IGFL2: variants seen among roughly 807,000 people sequenced by gnomAD.
IGFL2 encodes the protein insulin growth factor-like family member 2.
Under a neutral mutation model 13.9 loss-of-function variants are expected in IGFL2, and 7 were observed. The observed-to-expected ratio is 0.51, with a 90% CI of 0.29 to 0.95. The LOEUF (loss-of-function observed/expected upper bound fraction) is 0.95, where lower values mean the gene tolerates loss of function less well. IGFL2 is among the 40% of genes least tolerant of loss of function. The pLI is 0.08. For synonymous variants in IGFL2, 55 were observed against 55.8 expected (o/e 0.99, Z 0.07); for missense variants, 138 against 147.8 (o/e 0.93, Z 0.34).
chr19:46,153,381 A>T (rs916340267), intron 1 of IGFL2, among the ~76,000 whole-genome samples: 1 of 152,052 alleles, frequency 6.6e-6, no homozygotes, highest in African/African-American at 2.4e-5. Context: ...AACTGAGATG[A>T]GGTATCTTAT....
the IGFL2 span, chr19:46,124,396 A>C: frequency 1.2e-5 from 17 of 1,440,860 alleles, no homozygotes; most frequent in East Asian, 2.3e-5. Context: ...CAAACAAACA[A>C]ACAGAGGTTA....
chr19:46,135,616 A>G, the IGFL2 span, among the ~76,000 whole-genome samples: 13 of 152,336 alleles, frequency 8.5e-5, no homozygotes, highest in Non-Finnish European at 1.3e-4. Flanking sequence ...TCACTGATGC[A>G]AGAAACATGC....
chr19:46,124,378 A>AAAAC, the IGFL2 span: 666 of 1,525,146 alleles, frequency 4.4e-4, 25 homozygotes, highest in African/African-American at 4.1e-3. Context: ...AAGTATGGAA[A>AAAAC]AAACAAACAA....
the IGFL2 span, among the ~76,000 whole-genome samples, chr19:46,084,339 C>G: frequency 1.3e-5 from 2 of 152,104 alleles, no homozygotes; most frequent in African/African-American, 4.8e-5. Context: ...TCTGATGTTT[C>G]TTTATTGATT....
the IGFL2 span, chr19:46,124,209 C>A: frequency 6.2e-7 from 1 of 1,609,236 alleles, no homozygotes; most frequent in Admixed American, 1.7e-5. Context: ...TACTCAATTC[C>A]CAGTCTCTTT....
At chr19:46,181,204 TA>T in the IGFL2 span, 1 of 32,890 alleles carries the variant, frequency 3.0e-5, no homozygotes, top group African/African-American at 5.1e-5. Context: ...CTGTTTTATT[TA>T]TTTATTTATT....
intron 1 of IGFL2, among the ~76,000 whole-genome samples, chr19:46,154,729 G>A (rs7507220): frequency 0.037 from 5,612 of 152,194 alleles, 163 homozygotes; most frequent in East Asian, 0.071. Context: ...GATTACAGGC[G>A]TGAGCCACTG....
chr19:46,124,286 A>G, the IGFL2 span: 21 of 1,610,976 alleles, frequency 1.3e-5, no homozygotes, highest in Non-Finnish European at 1.8e-5. Context: ...CCTTTTGAAC[A>G]CTGGAGGAGG....
chr19:46,081,490 A>G, the IGFL2 span, among the ~76,000 whole-genome samples: 1 of 152,210 alleles, frequency 6.6e-6, no homozygotes, highest in Non-Finnish European at 1.5e-5. Flanking sequence ...TCTAGGATGC[A>G]ATCCAGAATT....
the IGFL2 span, among the ~76,000 whole-genome samples, chr19:46,084,197 T>C: frequency 3.9e-3 from 601 of 152,308 alleles, 1 homozygote; most frequent in African/African-American, 0.013. Flanking sequence ...TTAAGACTTG[T>C]TTTGTGGCAT....
At chr19:46,169,016 C>T in the IGFL2 span, among the ~76,000 whole-genome samples, 1 of 151,240 alleles carries the variant, frequency 6.6e-6, no homozygotes, top group Admixed American at 6.6e-5. Context: ...TTGCTATATC[C>T]AACATAGTGG....
chr19:46,116,889 T>A, the IGFL2 span, among the ~76,000 whole-genome samples: 1 of 152,232 alleles, frequency 6.6e-6, no homozygotes, highest in African/African-American at 2.4e-5. Context: ...CACTCGAATT[T>A]AACTTATATT....
At chr19:46,148,341 T>C in intron 1 of IGFL2, 44 bp downstream of exon 1, 1 of 1,503,450 alleles carries the variant, frequency 6.7e-7, no homozygotes, top group Non-Finnish European at 9.1e-7. Context: ...CCTACTGTTA[T>C]CCCTAATGTA....
the IGFL2 span, chr19:46,208,881 T>TG: frequency 1.3e-5 from 2 of 152,332 alleles, no homozygotes; most frequent in South Asian, 4.1e-4. Flanking sequence ...CAGGTAGTTT[T>TG]TTTTAGCAGT....
the IGFL2 span, among the ~76,000 whole-genome samples, chr19:46,128,761 A>G: frequency 6.6e-6 from 1 of 151,878 alleles, no homozygotes; most frequent in African/African-American, 2.4e-5. Flanking sequence ...TTTCTTGAGG[A>G]TTTTTTGCAT....
chr19:46,115,040 A>G, the IGFL2 span, among the ~76,000 whole-genome samples: 1 of 152,300 alleles, frequency 6.6e-6, no homozygotes, highest in East Asian at 1.9e-4. Flanking sequence ...TATCACACCT[A>G]TGTTCATCCA....
At chr19:46,175,001 G>A in the IGFL2 span, among the ~76,000 whole-genome samples, 5 of 151,964 alleles carry the variant, frequency 3.3e-5, no homozygotes, top group Non-Finnish European at 7.4e-5. Flanking sequence ...CAAGAATCTG[G>A]GTGTTCAAAT....
chr19:46,121,615 C>T, the IGFL2 span, among the ~76,000 whole-genome samples: 8 of 150,538 alleles, frequency 5.3e-5, 1 homozygote, highest in East Asian at 1.2e-3. Flanking sequence ...GATAAAACAA[C>T]GGTGTCGCAC....
the IGFL2 span, among the ~76,000 whole-genome samples, chr19:46,183,958 T>G: frequency 1.3e-5 from 2 of 152,246 alleles, no homozygotes. Context: ...TTTCCCCTTC[T>G]AGTTGCATCG....
Sources: allele counts gnomAD v4.1 joint callset (sites outside exome capture counted in the v4.1 genomes callset), GRCh38; gene constraint gnomAD v4.1.1; transcripts MANE v1.5; gene names NCBI Gene and HGNC (gene_info 2026-07-23, HGNC 2026-07-21).